Variants in TBC1D1 observed in about 807,000 individuals in gnomAD.
TBC1D1 encodes TBC1 (tre-2/USP6, BUB2, cdc16) domain family, member 1.
A neutral mutation model predicts 125.6 loss-of-function variants in TBC1D1; 89 were observed. That is an observed-to-expected ratio of 0.71 (90% CI 0.60 to 0.85). TBC1D1 has a LOEUF of 0.85. Ranked by LOEUF, TBC1D1 falls within the 40% of genes least tolerant of loss-of-function variation. TBC1D1 has a pLI of 0.00. For synonymous variants in TBC1D1, 565 were observed against 564.1 expected (o/e 1.00, Z -0.02); for missense variants, 1,377 against 1,469.2 (o/e 0.94, Z 1.03).
chr4:38,062,550 A>G (rs1752950769), intron 12 of TBC1D1, among the ~76,000 whole-genome samples: 1 of 152,058 alleles, frequency 6.6e-6, no homozygotes, highest in Non-Finnish European at 1.5e-5. Flanking sequence ...GCAAGCCAAG[A>G]ATCTGATTGT....
intron 2 of TBC1D1, among the ~76,000 whole-genome samples, chr4:37,953,913 G>A (rs182116264): frequency 2.5e-4 from 38 of 152,238 alleles, no homozygotes; most frequent in African/African-American, 8.7e-4. Context: ...CAGGGAGCCC[G>A]TTATTAATGT....
intron 2 of TBC1D1, among the ~76,000 whole-genome samples, chr4:37,934,539 G>C (rs181208488): frequency 6.6e-6 from 1 of 152,182 alleles, no homozygotes; most frequent in Non-Finnish European, 1.5e-5. Flanking sequence ...TTGTGTCCCA[G>C]GCCTGAGAGT....
At chr4:38,098,090 A>G (rs534076874) in intron 14 of TBC1D1, among the ~76,000 whole-genome samples, 3 of 152,358 alleles carry the variant, frequency 2.0e-5, no homozygotes, top group African/African-American at 7.2e-5. Context: ...GATGGACACC[A>G]GCTTTCAGTG....
chr4:38,064,802 T>G (rs1753397446), intron 12 of TBC1D1, among the ~76,000 whole-genome samples: 1 of 151,836 alleles, frequency 6.6e-6, no homozygotes, highest in Non-Finnish European at 1.5e-5. Flanking sequence ...TTTTTGTGTT[T>G]TTAGTAGAGA....
At chr4:38,119,293 CCTT>C (rs1763475989) in intron 17 of TBC1D1, among the ~76,000 whole-genome samples, 3 of 150,838 alleles carry the variant, frequency 2.0e-5, no homozygotes, top group South Asian at 4.3e-4. Flanking sequence ...GAGCATTTAC[CCTT>C]CTTCTCTCTT....
intron 3 of TBC1D1, among the ~76,000 whole-genome samples, chr4:38,015,584 G>A (rs1324154305): frequency 6.6e-6 from 1 of 152,072 alleles, no homozygotes; most frequent in African/African-American, 2.4e-5. Context: ...GGGCTCTTCT[G>A]AATGGGTGTG....
chr4:37,933,898 C>G (rs532370149), intron 2 of TBC1D1, among the ~76,000 whole-genome samples: 1 of 152,150 alleles, frequency 6.6e-6, no homozygotes, highest in Non-Finnish European at 1.5e-5. Context: ...TCAAGCAGAG[C>G]GTCAGTCTCA....
chr4:38,124,847 A>C, intron 17 of TBC1D1, 115 bp from the exon 20 acceptor site: 1 of 781,778 alleles, frequency 1.3e-6, no homozygotes, highest in South Asian at 2.0e-5. Flanking sequence ...TAAAGTTTGC[A>C]ATGTGGGGCT....
intron 2 of TBC1D1, among the ~76,000 whole-genome samples, chr4:37,999,815 T>C (rs1738633763): frequency 6.6e-6 from 1 of 152,242 alleles, no homozygotes; most frequent in African/African-American, 2.4e-5. Context: ...TGTTTTTCCA[T>C]TGGCAGTGAT....
chr4:38,068,973 C>G (rs1754229333), intron 12 of TBC1D1, among the ~76,000 whole-genome samples: 1 of 152,234 alleles, frequency 6.6e-6, no homozygotes, highest in South Asian at 2.1e-4. Context: ...AAGTAAACTT[C>G]AGGCAGTCAA....
chr4:38,018,228 C>T (rs1314676173), intron 3 of TBC1D1, 126 bp from the exon 4 acceptor site: 4 of 727,566 alleles, frequency 5.5e-6, no homozygotes, highest in Admixed American at 5.8e-5. Context: ...AAGAGGGGAC[C>T]TTTGAAATGA....
chr4:38,124,978 G>T lies in TBC1D1; in HGVS notation c.2979G>T (p.Gln993His), dbSNP rs761418318. 3.7e-6 allele frequency: 6 copies of T among 1,612,580 alleles called. No homozygotes were observed. The highest frequency in any genetic ancestry group is 5.1e-6 in the Non-Finnish European group (6 of 1,179,570). Reference sequence around the variant, plus strand: ...TTTTCTCAGATATGATTTTTCTTCAGGGAACAGAGGTCATATTTAAAGTGG... The same window carrying T: ...TTTTCTCAGATATGATTTTTCTTCATGGAACAGAGGTCATATTTAAAGTGG... The change falls in exon 18 of 20, where the codon CAG becomes CAT. Residue 993 changes from glutamine (Q) to histidine (H), a missense_variant. By Grantham distance (24) the Gln-to-His change is conservative. This residue lies in a region of TBC1D1 where 543 missense variants were observed against 613.5 expected (regional missense o/e 0.89). Transcript: ENST00000261439.
At chr4:37,896,828 T>C in intron 1 of TBC1D1, among the ~76,000 whole-genome samples, 1 of 151,834 alleles carries the variant, frequency 6.6e-6, no homozygotes, top group East Asian at 1.9e-4. Flanking sequence ...AGCTTTAAAA[T>C]TTTATGATTC....
At chr4:37,965,853 C>T (rs1229086253) in intron 2 of TBC1D1, among the ~76,000 whole-genome samples, 5 of 152,046 alleles carry the variant, frequency 3.3e-5, no homozygotes, top group Admixed American at 6.6e-5. Flanking sequence ...CAGATTCAAG[C>T]GATTCTCCTG....
At chr4:37,954,872 T>TG (rs1157955677) in intron 2 of TBC1D1, among the ~76,000 whole-genome samples, 3 of 147,284 alleles carry the variant, frequency 2.0e-5, no homozygotes, top group Non-Finnish European at 3.0e-5. Context: ...GTGGATTTTT[T>TG]TTTTTTTTGA....
chr4:38,043,436 A>G (rs1748785605), intron 8 of TBC1D1, among the ~76,000 whole-genome samples: 1 of 151,888 alleles, frequency 6.6e-6, no homozygotes, highest in Non-Finnish European at 1.5e-5. Flanking sequence ...CGTCTCTACA[A>G]AAACTACAAA....
At chr4:37,943,836 A>G (rs1280530466) in intron 2 of TBC1D1, among the ~76,000 whole-genome samples, 1 of 152,122 alleles carries the variant, frequency 6.6e-6, no homozygotes, top group African/African-American at 2.4e-5. Flanking sequence ...CCCTCAACTC[A>G]TCAAAGTCAT....
At chr4:38,100,481 A>G (rs1760112305) in intron 14 of TBC1D1, among the ~76,000 whole-genome samples, 1 of 152,236 alleles carries the variant, frequency 6.6e-6, no homozygotes, top group Non-Finnish European at 1.5e-5. Flanking sequence ...TATAGGGCCC[A>G]TCTGGATAAT....
chr4:37,923,321 A>G (rs1721415013), intron 2 of TBC1D1, among the ~76,000 whole-genome samples: 1 of 152,122 alleles, frequency 6.6e-6, no homozygotes, highest in African/African-American at 2.4e-5. Flanking sequence ...TCCATGGTGT[A>G]TATGTGCCCC....
Sources: allele counts gnomAD v4.1 joint callset (sites outside exome capture counted in the v4.1 genomes callset), GRCh38; gene constraint gnomAD v4.1.1; regional missense constraint gnomAD v4.1.1; transcripts MANE v1.5; gene names NCBI Gene and HGNC (gene_info 2026-07-23, HGNC 2026-07-21).